Variants in CERS3 observed in about 807,000 individuals in gnomAD.
CERS3 encodes LAG1 homolog, ceramide synthase 3.
CERS3 carries 33 observed loss-of-function variants against 50.3 expected under a neutral mutation model. The ratio of observed to expected loss-of-function variants is 0.66; its 90% CI spans 0.50 to 0.88. The LOEUF (loss-of-function observed/expected upper bound fraction) is 0.88. Ranked by LOEUF, CERS3 falls within the 40% of genes least tolerant of loss-of-function variation. The pLI, the probability that CERS3 is intolerant of heterozygous loss-of-function variation, is 0.00. For missense variants in CERS3, 470 were observed against 460.3 expected, an observed-to-expected ratio of 1.02 and a Z score of -0.19; for synonymous variants, 176 against 155.2, an observed-to-expected ratio of 1.13 and a Z score of -0.99.
At chr15:100,428,864 G>A (rs905513413) in intron 11 of CERS3, among the ~76,000 whole-genome samples, 8 of 152,202 alleles carry the variant, frequency 5.3e-5, no homozygotes, top group Non-Finnish European at 1.2e-4. Context: ...ATGCCAGGAA[G>A]GCCTTAAGGA....
At chr15:100,489,611 C>A (rs909266152) in intron 4 of CERS3, among the ~76,000 whole-genome samples, 2 of 151,974 alleles carry the variant, frequency 1.3e-5, no homozygotes, top group Non-Finnish European at 2.9e-5. Flanking sequence ...AATAAAGGAC[C>A]CAGAAAGAGC....
At position 100,401,443 on chromosome 15, in the gene CERS3, G is replaced by A. The variant is rs1050733427; in HGVS notation, c.*1270C>T. 1 of 152,276 alleles carries A rather than the reference G, an allele frequency of 6.6e-6. No homozygotes were observed. Among genetic ancestry groups the A allele is most frequent in the Non-Finnish European group, 1.5e-5 (1 of 68,102 alleles). The allele number at this position is 152,276 out of a possible 1,614,324, so 9.4% of individuals were successfully genotyped here. On this transcript the variant is annotated 3_prime_UTR_variant, in exon 12 of 12. Transcript: ENST00000679737. ...TCTCCGGTGCTCCCTTCCGGAGGGT[G>A]AGGACAAGCTGGCTACTGATCTGCC... is the stretch of plus-strand genomic sequence containing the variant.
At chr15:100,503,624 C>T in intron 2 of CERS3, 3 of 461,342 alleles carry the variant, frequency 6.5e-6, no homozygotes, top group South Asian at 3.2e-5. Context: ...TCTAGGCAGA[C>T]ACAGCTCTAC....
intron 8 of CERS3, among the ~76,000 whole-genome samples, chr15:100,474,530 A>T (rs2035064827): frequency 1.3e-5 from 2 of 151,952 alleles, no homozygotes; most frequent in African/African-American, 4.8e-5. Context: ...TCAGCCTCCC[A>T]AGTAGCTGGG....
Position 100,516,212 on chromosome 15 carries a change from G to T in CERS3, c.-2+5455C>A, listed in dbSNP as rs993048873. 4.6e-5 allele frequency among the ~76,000 whole-genome samples: 7 copies of T among 152,184 alleles called. No homozygotes were observed. In the East Asian group the frequency reaches 9.6e-4, roughly 21 times the overall value. ...GGTAAGGCCATTATACAGATTGCAA[G>T]CTGGCAATTGATGGACACAATAAAA... On this transcript the variant is annotated intron_variant, in intron 2 of 11. Transcript: ENST00000679737.
At chr15:100,480,813 T>C (rs996133763) in intron 5 of CERS3, among the ~76,000 whole-genome samples, 4 of 152,144 alleles carry the variant, frequency 2.6e-5, no homozygotes, top group Admixed American at 6.5e-5. Context: ...ACAAATGAAA[T>C]AACAGTGTCT....
chr15:100,402,633 G>A lies in CERS3; in HGVS notation c.*80C>T. 7.2e-7 allele frequency: 1 copy of A among 1,382,042 alleles called. No homozygotes were observed. Among genetic ancestry groups the A allele is most frequent in the Non-Finnish European group, 9.9e-7 (1 of 1,009,410 alleles). 85.6% of individuals were successfully genotyped at this position (1,382,042 alleles called of 1,614,324 possible). A position where few individuals can be genotyped will look rare whatever the true frequency, so the allele number is the denominator to read the frequency against. On this transcript the variant is annotated 3_prime_UTR_variant, in exon 12 of 12. Coordinates refer to ENST00000679737, the MANE Select transcript of CERS3 (RefSeq NM_001378789.1). Reference sequence around the variant, plus strand: ...GAGAAAGAGGGAAGGGCAGAATGTGGGGTCGGTGTGGGGCCTGGAAGCCAG... The same window carrying A: ...GAGAAAGAGGGAAGGGCAGAATGTGAGGTCGGTGTGGGGCCTGGAAGCCAG...
At chr15:100,528,689 A>G (rs8041736) in intron 1 of CERS3, 124 bp downstream of exon 1, 149,888 of 152,518 alleles carry the variant, frequency 0.98, 73,706 homozygotes, top group Middle Eastern at 1. Flanking sequence ...CCCAATCTCC[A>G]TCTCCTCTCC....
chr15:100,418,419 T>C (rs1457474531), intron 11 of CERS3, among the ~76,000 whole-genome samples: 1 of 149,830 alleles, frequency 6.7e-6, no homozygotes, highest in Admixed American at 6.7e-5. Context: ...CTCCAAGAAA[T>C]ATGGGACTAT....
chr15:100,414,329 A>G (rs1360861260), intron 11 of CERS3, among the ~76,000 whole-genome samples: 4 of 152,236 alleles, frequency 2.6e-5, no homozygotes, highest in African/African-American at 7.2e-5. Context: ...GGAAGAATCA[A>G]TACCATGAAA....
At chr15:100,478,582 T>C (rs2035207968) in intron 7 of CERS3, among the ~76,000 whole-genome samples, 1 of 152,162 alleles carries the variant, frequency 6.6e-6, no homozygotes, top group Non-Finnish European at 1.5e-5. Flanking sequence ...AAAGGCATTA[T>C]GTTCAAAGAA....
At chr15:100,408,888 A>G (rs1122847) in intron 11 of CERS3, 87,477 of 152,000 alleles carry the variant, frequency 0.58, 25,407 homozygotes, top group Non-Finnish European at 0.6. Flanking sequence ...CATAGCAGCT[A>G]TTCTCTTTAT....
chr15:100,526,911 T>C (rs573912626), intron 1 of CERS3, among the ~76,000 whole-genome samples: 14 of 152,174 alleles, frequency 9.2e-5, no homozygotes, highest in Non-Finnish European at 1.5e-4. Flanking sequence ...GCATTTGACA[T>C]ACCCTGCCTT....
At position 100,436,422 on chromosome 15, in the gene CERS3, C is replaced by T. The variant is rs139736889; in HGVS notation, c.999+19471G>A. Among the ~76,000 whole-genome samples, 683 of 152,122 alleles carry T rather than the reference C, an allele frequency of 4.5e-3. 5 individuals carry two copies. The highest frequency in any genetic ancestry group is 0.015 in the African/African-American group (619 of 41,478). On this transcript the variant is annotated intron_variant, in intron 11 of 11. Transcript: ENST00000679737. ...TCACTCGTAAGTAGAAGTTGAACAA[C>T]GAGAACACATGGACACAGGGAGGGG... is the stretch of plus-strand genomic sequence containing the variant.
chr15:100,479,307 A>C, intron 7 of CERS3, 121 bp downstream of exon 7: 1 of 651,164 alleles, frequency 1.5e-6, no homozygotes. Flanking sequence ...CAAGTAGAAA[A>C]AGTGCCAGGG....
chr15:100,502,821 G>A (rs1209236746), intron 2 of CERS3, among the ~76,000 whole-genome samples: 1 of 151,892 alleles, frequency 6.6e-6, no homozygotes, highest in Non-Finnish European at 1.5e-5. Flanking sequence ...GCTAAAAAAC[G>A]TATACAGGTT....
intron 3 of CERS3, among the ~76,000 whole-genome samples, chr15:100,494,060 T>A (rs1354444556): frequency 6.6e-6 from 1 of 151,784 alleles, no homozygotes; most frequent in Non-Finnish European, 1.5e-5. Flanking sequence ...TTTGTTTCTT[T>A]CCATGTCTCA....
intron 2 of CERS3, among the ~76,000 whole-genome samples, chr15:100,505,549 T>C (rs2036151068): frequency 6.6e-6 from 1 of 152,210 alleles, no homozygotes; most frequent in Admixed American, 6.5e-5. Context: ...CAAACATCAA[T>C]TATTGCAGCT....
intron 11 of CERS3, among the ~76,000 whole-genome samples, chr15:100,410,616 G>A (rs577058994): frequency 4.6e-5 from 7 of 152,212 alleles, no homozygotes; most frequent in South Asian, 4.2e-4. Flanking sequence ...AGCGATAGAC[G>A]CACTTCCAAC....
Sources: allele counts gnomAD v4.1 joint callset (sites outside exome capture counted in the v4.1 genomes callset), GRCh38; gene constraint gnomAD v4.1.1; transcripts MANE v1.5; gene names NCBI Gene and HGNC (gene_info 2026-07-23, HGNC 2026-07-21).